The following CTNNA3 variants were observed in gnomAD, a reference collection of about 807,000 sequenced individuals.
The protein encoded by CTNNA3 is catenin alpha 3.
CTNNA3 carries 76 observed loss-of-function variants against 95.7 expected under a neutral mutation model. The observed-to-expected ratio is 0.79, with a 90% CI of 0.66 to 0.96. CTNNA3 has a LOEUF of 0.96. Among genes scored for constraint, CTNNA3 ranks in the 40% least tolerant of loss-of-function variants. CTNNA3 has a pLI of 0.00. For synonymous variants in CTNNA3, 431 were observed against 374.4 expected, an observed-to-expected ratio of 1.15 and a Z score of -1.74; for missense variants, 1,191 against 1,089.8, an observed-to-expected ratio of 1.09 and a Z score of -1.31.
At chr10:67,025,330 C>CA (rs200578879) in intron 7 of CTNNA3, among the ~76,000 whole-genome samples, 4,991 of 138,338 alleles carry the variant, frequency 0.036, 119 homozygotes, top group East Asian at 0.12. Context: ...TAAGCCCATG[C>CA]AAAAAAAAAA....
chr10:67,545,474 T>A (rs1448274868), intron 3 of CTNNA3, among the ~76,000 whole-genome samples: 2 of 152,164 alleles, frequency 1.3e-5, no homozygotes, highest in Non-Finnish European at 2.9e-5. Context: ...TTATTAACTA[T>A]ATAAACCTAT....
chr10:66,742,664 C>T (rs1005400935), intron 9 of CTNNA3, among the ~76,000 whole-genome samples: 1 of 152,164 alleles, frequency 6.6e-6, no homozygotes, highest in Non-Finnish European at 1.5e-5. Flanking sequence ...ATTTCTCAGA[C>T]CGGCTGACAC....
intron 3 of CTNNA3, among the ~76,000 whole-genome samples, chr10:67,557,721 A>T (rs1210265319): frequency 6.6e-6 from 1 of 152,222 alleles, no homozygotes; most frequent in Non-Finnish European, 1.5e-5. Context: ...TGGGTTGTTT[A>T]CAGAATTTCT....
chr10:67,663,346 G>A (rs1428965996), intron 1 of CTNNA3, among the ~76,000 whole-genome samples: 2 of 152,014 alleles, frequency 1.3e-5, no homozygotes, highest in Non-Finnish European at 2.9e-5. Context: ...GTGTGTGTGT[G>A]TGTGTGTTAA....
At chr10:66,190,191 C>T (rs1046116246) in intron 13 of CTNNA3, among the ~76,000 whole-genome samples, 14 of 152,058 alleles carry the variant, frequency 9.2e-5, no homozygotes, top group Admixed American at 8.5e-4. Flanking sequence ...AGTGATTTAT[C>T]ATATATGAAG....
chr10:67,112,973 G>A (rs1187517845), intron 7 of CTNNA3, among the ~76,000 whole-genome samples: 2 of 152,076 alleles, frequency 1.3e-5, no homozygotes, highest in African/African-American at 4.8e-5. Context: ...GTGAGTACTA[G>A]AGGCCTGTAA....
At chr10:66,434,213 G>T (rs1043516800) in intron 11 of CTNNA3, among the ~76,000 whole-genome samples, 7 of 152,008 alleles carry the variant, frequency 4.6e-5, no homozygotes, top group African/African-American at 1.7e-4. Context: ...GAATAGCATT[G>T]AATCTATAAA....
intron 11 of CTNNA3, among the ~76,000 whole-genome samples, chr10:66,442,441 A>ATT (rs2093381915): frequency 6.6e-6 from 1 of 152,144 alleles, no homozygotes; most frequent in Admixed American, 6.5e-5. Flanking sequence ...AAATAACTGT[A>ATT]AATATATTTT....
intron 7 of CTNNA3, among the ~76,000 whole-genome samples, chr10:66,999,917 G>A: frequency 6.6e-6 from 1 of 152,162 alleles, no homozygotes; most frequent in East Asian, 1.9e-4. Flanking sequence ...CATCTGATTT[G>A]TTGTGTTGGC....
At chr10:67,510,173 C>A (rs1401351245) in intron 5 of CTNNA3, among the ~76,000 whole-genome samples, 1 of 152,122 alleles carries the variant, frequency 6.6e-6, no homozygotes, top group African/African-American at 2.4e-5. Flanking sequence ...TTTTGCTGTG[C>A]AGAAGCTCTT....
At chr10:66,102,717 T>G (rs116015932) in intron 14 of CTNNA3, among the ~76,000 whole-genome samples, 9 of 151,672 alleles carry the variant, frequency 5.9e-5, no homozygotes, top group Non-Finnish European at 8.8e-5. Context: ...GTGGTGGTGG[T>G]GGGGTGTGTG....
At chr10:66,539,657 A>C (rs546687641) in intron 10 of CTNNA3, among the ~76,000 whole-genome samples, 1 of 152,258 alleles carries the variant, frequency 6.6e-6, no homozygotes, top group South Asian at 2.1e-4. Flanking sequence ...CTGGCTAAAG[A>C]ATAATGTTAG....
intron 7 of CTNNA3, among the ~76,000 whole-genome samples, chr10:66,835,628 C>G (rs1303290727): frequency 6.6e-6 from 1 of 152,166 alleles, no homozygotes; most frequent in Non-Finnish European, 1.5e-5. Flanking sequence ...CCACCACCAC[C>G]CACTGTGGGT....
At chr10:66,309,954 T>A (rs987176941) in intron 12 of CTNNA3, among the ~76,000 whole-genome samples, 83 of 121,402 alleles carry the variant, frequency 6.8e-4, no homozygotes, top group South Asian at 3.4e-3. Flanking sequence ...AATAAATAAA[T>A]AAAATAAAAA....
intron 15 of CTNNA3, among the ~76,000 whole-genome samples, chr10:65,997,568 A>C (rs1254832947): frequency 6.6e-6 from 1 of 152,182 alleles, no homozygotes; most frequent in Non-Finnish European, 1.5e-5. Flanking sequence ...GAGAGAAAGA[A>C]AGAAATTGTC....
chr10:67,158,251 A>G (rs993163615), intron 7 of CTNNA3, among the ~76,000 whole-genome samples: 1 of 152,126 alleles, frequency 6.6e-6, no homozygotes, highest in Admixed American at 6.5e-5. Context: ...AATTGGAAAG[A>G]TGATAAATGA....
At chr10:66,205,597 A>T (rs551777450) in intron 13 of CTNNA3, among the ~76,000 whole-genome samples, 2 of 152,126 alleles carry the variant, frequency 1.3e-5, no homozygotes, top group South Asian at 4.1e-4. Context: ...ATAGAAAAAA[A>T]CCCATACACA....
At chr10:67,481,595 A>G (rs992876711) in intron 5 of CTNNA3, among the ~76,000 whole-genome samples, 8 of 152,202 alleles carry the variant, frequency 5.3e-5, no homozygotes, top group Non-Finnish European at 7.4e-5. Flanking sequence ...GGTGAAAGAA[A>G]GATCTCTACA....
At chr10:66,621,188 A>G (rs1844733296) in intron 10 of CTNNA3, among the ~76,000 whole-genome samples, 1 of 152,190 alleles carries the variant, frequency 6.6e-6, no homozygotes, top group African/African-American at 2.4e-5. Flanking sequence ...CAAAATAAAT[A>G]ATTACTAAAA....
Sources: gnomAD v4.1 joint callset for allele counts (sites outside exome capture counted in the v4.1 genomes callset) on GRCh38, gnomAD v4.1.1 for gene constraint, MANE v1.5 for transcripts, NCBI Gene and HGNC (gene_info 2026-07-23, HGNC 2026-07-21) for gene names.